PRELID2: variants seen among roughly 807,000 people sequenced by gnomAD.
PRELID2 encodes PRELI domain containing 2.
PRELID2 carries 25 observed loss-of-function variants against 28.4 expected under a neutral mutation model. That is an observed-to-expected ratio of 0.88 (90% CI 0.64 to 1.23). The LOEUF is 1.23. Ranked by LOEUF, PRELID2 falls within the 50% of genes most tolerant of loss-of-function variation. PRELID2 has a pLI of 0.00. For missense variants in PRELID2, 201 were observed against 214.4 expected (o/e 0.94, Z 0.39); for synonymous variants, 76 against 71.6 (o/e 1.06, Z -0.31).
chr5:145,583,130 C>T lies in PRELID2; in HGVS notation n.71-109815G>A, dbSNP rs558431375. On this transcript the variant is annotated intron_variant and non_coding_transcript_variant, in intron 1 of 2. Coordinates refer to the PRELID2 transcript ENST00000510259. ...GCTTCATCCCTGGGATGCAAGGTTGCTTCAACATATATAAACCAATAAATG... is the reference window on the plus strand; with the variant it reads ...GCTTCATCCCTGGGATGCAAGGTTGTTTCAACATATATAAACCAATAAATG... Among the ~76,000 whole-genome samples, 10 of 152,180 alleles carry T rather than the reference C, an allele frequency of 6.6e-5. No individual in the cohort carries two copies. In the East Asian group the frequency reaches 1.9e-3, roughly 29 times the overall value.
At chr5:145,275,829 CCAGCT>C in the PRELID2 span, among the ~76,000 whole-genome samples, 4 of 152,126 alleles carry the variant, frequency 2.6e-5, no homozygotes, top group African/African-American at 9.7e-5. Context: ...CTACCACTTA[CCAGCT>C]TGTGACTTTT....
intron 1 of PRELID2, among the ~76,000 whole-genome samples, chr5:145,715,404 G>GACCATTGCT (rs1159389553): frequency 6.6e-6 from 1 of 151,996 alleles, no homozygotes; most frequent in Admixed American, 6.6e-5. Flanking sequence ...CTCTTGCCTA[G>GACCATTGCT]ACCATTGCTA....
the PRELID2 span, among the ~76,000 whole-genome samples, chr5:145,235,543 G>A: frequency 2.6e-5 from 4 of 152,110 alleles, no homozygotes; most frequent in African/African-American, 4.8e-5. Flanking sequence ...GGTGGGGATG[G>A]CAAATTAGGA....
chr5:145,598,232 G>C (rs1753338483), intron 1 of PRELID2, among the ~76,000 whole-genome samples: 1 of 152,168 alleles, frequency 6.6e-6, no homozygotes, highest in Non-Finnish European at 1.5e-5. Context: ...CAGTACCAGT[G>C]AAGTCGAAGT....
the PRELID2 span, among the ~76,000 whole-genome samples, chr5:145,251,357 A>G: frequency 1.3e-5 from 2 of 151,882 alleles, no homozygotes; most frequent in East Asian, 3.9e-4. Context: ...TGCCCAAGCA[A>G]ACTTTTTAAG....
At chr5:145,716,530 T>C (rs1755848599) in intron 1 of PRELID2, among the ~76,000 whole-genome samples, 1 of 152,182 alleles carries the variant, frequency 6.6e-6, no homozygotes, top group Non-Finnish European at 1.5e-5. Context: ...TGTTATAACA[T>C]TAAAGACATT....
the PRELID2 span, among the ~76,000 whole-genome samples, chr5:145,276,632 C>G: frequency 6.6e-6 from 1 of 152,106 alleles, no homozygotes; most frequent in Non-Finnish European, 1.5e-5. Flanking sequence ...CTTATTCTTA[C>G]TTGTTTATAA....
intron 4 of PRELID2, among the ~76,000 whole-genome samples, chr5:145,804,962 C>T (rs927620615): frequency 6.6e-6 from 1 of 152,046 alleles, no homozygotes; most frequent in Non-Finnish European, 1.5e-5. Flanking sequence ...GGAGGTAGAC[C>T]CTGAGTCTAG....
At chr5:145,481,647 A>G (rs867863228) in intron 1 of PRELID2, among the ~76,000 whole-genome samples, 168 of 134,286 alleles carry the variant, frequency 1.3e-3, no homozygotes, top group African/African-American at 4.0e-3. Flanking sequence ...AAAAAAAAAA[A>G]AAAAAAGAAA....
intron 1 of PRELID2, among the ~76,000 whole-genome samples, chr5:145,527,434 C>T (rs547652016): frequency 9.8e-4 from 150 of 152,288 alleles, no homozygotes; most frequent in Admixed American, 2.2e-3. Context: ...CTCTGTGTAT[C>T]ATTTCTTATA....
chr5:145,229,866 G>A, the PRELID2 span: 12 of 753,856 alleles, frequency 1.6e-5, no homozygotes, highest in Non-Finnish European at 2.7e-5. Context: ...GAAAGTGCAG[G>A]TGCCGGTCCT....
chr5:145,501,977 C>T (rs965986189), intron 1 of PRELID2, among the ~76,000 whole-genome samples: 2 of 152,190 alleles, frequency 1.3e-5, no homozygotes, highest in Non-Finnish European at 2.9e-5. Flanking sequence ...CTTTCTTTCT[C>T]TCTCTCACAC....
chr5:145,658,339 C>T (rs531743668), intron 1 of PRELID2, among the ~76,000 whole-genome samples: 1 of 152,292 alleles, frequency 6.6e-6, no homozygotes, highest in South Asian at 2.1e-4. Context: ...TCCTGAAATT[C>T]ATATTCAGTT....
At chr5:145,740,281 T>C (rs1341843535) in intron 1 of PRELID2, among the ~76,000 whole-genome samples, 15 of 64,412 alleles carry the variant, frequency 2.3e-4, no homozygotes, top group Non-Finnish European at 4.0e-4. Context: ...TATATATATA[T>C]ATATATATAT....
chr5:145,273,377 C>T, the PRELID2 span, among the ~76,000 whole-genome samples: 4 of 152,040 alleles, frequency 2.6e-5, no homozygotes, highest in Admixed American at 2.6e-4. Context: ...CCCGCTACCA[C>T]CTGCCCTTAA....
At chr5:145,424,972 A>C in the PRELID2 span, among the ~76,000 whole-genome samples, 12 of 152,308 alleles carry the variant, frequency 7.9e-5, no homozygotes, top group East Asian at 1.9e-4. Context: ...CTATCATCAG[A>C]GTGAAGAGAC....
chr5:145,365,822 G>T, the PRELID2 span, among the ~76,000 whole-genome samples: 5 of 151,798 alleles, frequency 3.3e-5, no homozygotes, highest in Non-Finnish European at 7.4e-5. Context: ...ATTTTCTGGA[G>T]CCCCTAAAAA....
the PRELID2 span, chr5:145,450,828 CAG>C: frequency 6.6e-6 from 1 of 152,138 alleles, no homozygotes; most frequent in African/African-American, 2.4e-5. Flanking sequence ...AATTTTGAAA[CAG>C]AGACTTGTCA....
At chr5:145,696,534 T>C (rs1446301949) in intron 1 of PRELID2, among the ~76,000 whole-genome samples, 1 of 152,182 alleles carries the variant, frequency 6.6e-6, no homozygotes, top group Non-Finnish European at 1.5e-5. Context: ...TGATCTCTGC[T>C]TACTGAACCC....
Sources: gnomAD v4.1 joint callset for allele counts (sites outside exome capture counted in the v4.1 genomes callset) on GRCh38, gnomAD v4.1.1 for gene constraint, MANE v1.5 for transcripts, NCBI Gene and HGNC (gene_info 2026-07-23, HGNC 2026-07-21) for gene names.